Variants in TRIQK observed in about 807,000 individuals in gnomAD.
The protein encoded by TRIQK is triple QxxK/R motif-containing protein.
A neutral mutation model predicts 10.8 loss-of-function variants in TRIQK; 10 were observed. That is an observed-to-expected ratio of 0.92 (90% CI 0.57 to 1.57). The LOEUF (loss-of-function observed/expected upper bound fraction) is 1.57, where lower values mean the gene tolerates loss of function less well. TRIQK is among the 40% of genes most tolerant of loss of function. The pLI is 0.00. For missense variants in TRIQK, 107 were observed against 97.7 expected, an observed-to-expected ratio of 1.09 and a Z score of -0.40; for synonymous variants, 33 against 33.7, an observed-to-expected ratio of 0.98 and a Z score of 0.07.
chr8:92,900,301 T>C (rs1586384150), intron 3 of TRIQK, among the ~76,000 whole-genome samples: 2 of 152,172 alleles, frequency 1.3e-5, no homozygotes, highest in African/African-American at 4.8e-5. Context: ...GCTTGTGAAC[T>C]ATGATTCAAG....
Position 92,884,694 on chromosome 8 carries a change from T to C in TRIQK, c.*1928A>G. On this transcript the variant is annotated 3_prime_UTR_variant, in exon 5 of 5. Coordinates refer to ENST00000521988, the MANE Select transcript of TRIQK (RefSeq NM_001171797.2). ...TACTGTAAACTCTGTTATATTTCAT[T>C]TGGATAAGTATCTAATAAGCAATTA... 1 of 374,874 alleles carries C rather than the reference T, an allele frequency of 2.7e-6. No individual in the cohort carries two copies. The highest frequency in any genetic ancestry group is 2.0e-5 in the South Asian group (1 of 49,526). 23.2% of individuals were successfully genotyped at this position (374,874 alleles called of 1,614,324 possible).
At chr8:92,955,010 T>C (rs1812100273) in intron 1 of TRIQK, among the ~76,000 whole-genome samples, 1 of 151,958 alleles carries the variant, frequency 6.6e-6, no homozygotes, top group Admixed American at 6.6e-5. Flanking sequence ...AAGTATATGT[T>C]ACTTTCTAAA....
At chr8:92,984,454 A>C (rs1427389330) in intron 1 of TRIQK, among the ~76,000 whole-genome samples, 1 of 152,152 alleles carries the variant, frequency 6.6e-6, no homozygotes, top group Non-Finnish European at 1.5e-5. Flanking sequence ...CAGGGATCTG[A>C]AAAGTGTGAG....
intron 1 of TRIQK, among the ~76,000 whole-genome samples, chr8:93,013,986 C>T (rs1053298358): frequency 3.3e-5 from 5 of 152,124 alleles, no homozygotes; most frequent in African/African-American, 4.8e-5. Flanking sequence ...TATTCACCAT[C>T]AAATGTATGC....
At chr8:92,966,261 C>G (rs984932892), upstream of TRIQK, 3 of 152,304 alleles carry the variant, frequency 2.0e-5, no homozygotes, top group Non-Finnish European at 4.4e-5. Context: ...AGGCCTTTCC[C>G]TCATTTTGAT....
chr8:92,909,910 A>G (rs1002253407), intron 3 of TRIQK, among the ~76,000 whole-genome samples: 1 of 151,664 alleles, frequency 6.6e-6, no homozygotes, highest in Non-Finnish European at 1.5e-5. Flanking sequence ...AATAACAGGG[A>G]ACCTAAAACG....
intron 2 of TRIQK, among the ~76,000 whole-genome samples, chr8:92,951,949 T>A (rs1030650119): frequency 2.0e-5 from 3 of 151,990 alleles, no homozygotes; most frequent in African/African-American, 4.8e-5. Flanking sequence ...GACCTAATAA[T>A]AGGACTACAG....
At position 92,909,258 on chromosome 8, in the gene TRIQK, T is replaced by C. The variant is rs149472877; in HGVS notation, c.61+7671A>G. 1.3e-4 allele frequency among the ~76,000 whole-genome samples: 19 copies of C among 151,924 alleles called. No homozygotes were observed. The East Asian group carries it at 1.5e-3, about 12-fold the overall frequency. ...CTAGGTAAAACATTAACCAATCAAA[T>C]TGATAAAATGAAAATAACTACAAAG... On this transcript the variant is annotated intron_variant, in intron 3 of 4. Coordinates refer to ENST00000521988, the MANE Select transcript of TRIQK (RefSeq NM_001171797.2).
In TRIQK at chr8:92,971,811, T is replaced by C. The variant is rs532111366; in HGVS notation, c.-180-17247A>G. On this transcript the variant is annotated intron_variant, in intron 1 of 4. Coordinates refer to the TRIQK transcript ENST00000520686. ...AGAGAAAACTACTGTAAAGTTTATATGGAACCAAAAAAGAGCTCATATAGC... is the reference window on the plus strand; with the variant it reads ...AGAGAAAACTACTGTAAAGTTTATACGGAACCAAAAAAGAGCTCATATAGC... Among the ~76,000 whole-genome samples the C allele has an allele frequency of 1.5e-3, 236 of 152,270 alleles. 1 individual carries two copies. In the Middle Eastern group the frequency reaches 0.017, roughly 11 times the overall value.
At chr8:92,910,267 T>C (rs1809501531) in intron 3 of TRIQK, among the ~76,000 whole-genome samples, 1 of 151,302 alleles carries the variant, frequency 6.6e-6, no homozygotes, top group Admixed American at 6.6e-5. Flanking sequence ...ATCCTTATTG[T>C]CTAAGTTAAA....
Position 92,954,428 on chromosome 8 carries a change from G to T in TRIQK, c.-44C>A, listed in dbSNP as rs945954148. 6.6e-6 allele frequency: 1 copy of T among 151,918 alleles called. No individual in the cohort carries two copies. Among genetic ancestry groups the T allele is most frequent in the South Asian group, 2.1e-4 (1 of 4,830 alleles). The allele number at this position is 151,918 out of a possible 1,614,324, so 9.4% of individuals were successfully genotyped here. On this transcript the variant is annotated 5_prime_UTR_variant, in exon 2 of 5. Transcript: ENST00000521988. ...CACCTTGCGTTGTGTCTTTGATGCT[G>T]CCAAGTCTAAACTCTGGAGAGCTGC...
At chr8:92,999,784 T>A (rs72660404) in intron 1 of TRIQK, among the ~76,000 whole-genome samples, 4,816 of 152,288 alleles carry the variant, frequency 0.032, 120 homozygotes, top group South Asian at 0.049. Flanking sequence ...TTGATCAAAT[T>A]GTATTTGATG....
At chr8:92,945,638 A>C (rs1266512224) in intron 2 of TRIQK, among the ~76,000 whole-genome samples, 2 of 152,152 alleles carry the variant, frequency 1.3e-5, no homozygotes, top group African/African-American at 2.4e-5. Flanking sequence ...ACCAACTTAC[A>C]TTTGTTTTTT....
chr8:92,930,151 G>T (rs1435483095), intron 2 of TRIQK, among the ~76,000 whole-genome samples: 1 of 151,604 alleles, frequency 6.6e-6, no homozygotes, highest in African/African-American at 2.4e-5. Flanking sequence ...GCCAAGGCGG[G>T]CAGATCACCA....
chr8:92,970,926 T>G (rs575658277), upstream of TRIQK, among the ~76,000 whole-genome samples: 8 of 152,346 alleles, frequency 5.3e-5, no homozygotes, highest in East Asian at 1.3e-3. Flanking sequence ...TTTATAGTTT[T>G]GGGTTTTACA....
chr8:92,902,664 G>C (rs1477191549), intron 3 of TRIQK, among the ~76,000 whole-genome samples: 5 of 151,974 alleles, frequency 3.3e-5, no homozygotes, highest in African/African-American at 1.2e-4. Context: ...TTGCTCATCA[G>C]GTTAATTTCT....
At chr8:93,015,786 A>T in intron 1 of TRIQK, among the ~76,000 whole-genome samples, 1 of 152,064 alleles carries the variant, frequency 6.6e-6, no homozygotes, top group African/African-American at 2.4e-5. Context: ...AACTGATATA[A>T]ATGTTTTATG....
chr8:92,949,831 AAAGAAAGAAAGG>A (rs1367140956), intron 2 of TRIQK, among the ~76,000 whole-genome samples: 2 of 122,834 alleles, frequency 1.6e-5, no homozygotes, highest in East Asian at 2.6e-4. Flanking sequence ...AGAAAGAAAG[AAAGAAAGAAAGG>A]GAGAGAAAAG....
chr8:92,899,535 A>T (rs1019260420), intron 3 of TRIQK, among the ~76,000 whole-genome samples: 6 of 152,140 alleles, frequency 3.9e-5, no homozygotes, highest in Non-Finnish European at 7.4e-5. Context: ...ATTTCACTTG[A>T]CATAATGACC....
Sources: gnomAD v4.1 joint callset for allele counts (sites outside exome capture counted in the v4.1 genomes callset) on GRCh38, gnomAD v4.1.1 for gene constraint, MANE v1.5 for transcripts, NCBI Gene and HGNC (gene_info 2026-07-23, HGNC 2026-07-21) for gene names.